DMGDH: variants seen among roughly 807,000 people sequenced by gnomAD.
DMGDH encodes dimethylglycine dehydrogenase, mitochondrial.
A neutral mutation model predicts 95.2 loss-of-function variants in DMGDH; 76 were observed. That is an observed-to-expected ratio of 0.80 (90% CI 0.66 to 0.97). DMGDH has a LOEUF of 0.97. Ranked by LOEUF, DMGDH falls within the 50% of genes least tolerant of loss-of-function variation. The pLI, the probability that DMGDH is intolerant of heterozygous loss-of-function variation, is 0.00. For synonymous variants in DMGDH, 345 were observed against 377.6 expected, an observed-to-expected ratio of 0.91 and a Z score of 1.00; for missense variants, 987 against 1,055.0, an observed-to-expected ratio of 0.94 and a Z score of 0.89.
intron 2 of DMGDH, among the ~76,000 whole-genome samples, chr5:79,056,141 A>G (rs1755026194): frequency 6.7e-6 from 1 of 149,884 alleles, no homozygotes; most frequent in African/African-American, 2.5e-5. Context: ...GCCAATAAAC[A>G]TACATGTTAA....
At chr5:79,021,510 C>T in intron 14 of DMGDH, 1 of 1,276,014 alleles carries the variant, frequency 7.8e-7, no homozygotes, top group Non-Finnish European at 1.0e-6. Flanking sequence ...GAAGCAAGGG[C>T]CACTGCGCCG....
intron 7 of DMGDH, among the ~76,000 whole-genome samples, chr5:79,039,224 C>G (rs958306117): frequency 1.9e-4 from 29 of 151,664 alleles, no homozygotes; most frequent in Non-Finnish European, 3.2e-4. Context: ...ACCCAAAGGA[C>G]TATAAATCAT....
intron 7 of DMGDH, among the ~76,000 whole-genome samples, chr5:79,033,802 C>T (rs924268806): frequency 5.9e-5 from 9 of 151,998 alleles, no homozygotes; most frequent in African/African-American, 1.9e-4. Flanking sequence ...CATGGTGGCA[C>T]GAGACTGTGG....
At chr5:79,068,252 T>C (rs562779502) in intron 1 of DMGDH, among the ~76,000 whole-genome samples, 1 of 152,026 alleles carries the variant, frequency 6.6e-6, no homozygotes, top group Non-Finnish European at 1.5e-5. Context: ...TTGAAATTTG[T>C]ATCTTATTTA....
At chr5:79,041,108 T>A (rs1754496505) in intron 7 of DMGDH, among the ~76,000 whole-genome samples, 2 of 152,248 alleles carry the variant, frequency 1.3e-5, no homozygotes, top group Admixed American at 1.3e-4. Flanking sequence ...CTCTTTCCCT[T>A]CAATATCTTA....
chr5:79,021,583 G>A (rs1399219180), intron 14 of DMGDH: 1 of 1,301,038 alleles, frequency 7.7e-7, no homozygotes, highest in African/African-American at 1.5e-5. Flanking sequence ...TTGCTGACAG[G>A]TTTTGACAAG....
intron 4 of DMGDH, among the ~76,000 whole-genome samples, chr5:79,053,319 C>G (rs1468256312): frequency 3.3e-5 from 5 of 152,006 alleles, no homozygotes; most frequent in Admixed American, 1.3e-4. Flanking sequence ...ACCCCACACT[C>G]AGTTAATTTT....
intron 15 of DMGDH, among the ~76,000 whole-genome samples, chr5:79,002,388 A>G (rs1410563401): frequency 6.6e-6 from 1 of 152,220 alleles, no homozygotes; most frequent in Non-Finnish European, 1.5e-5. Flanking sequence ...TTTCAAAAAA[A>G]TTAAACCTCA....
At chr5:79,036,317 C>T (rs529645463) in intron 7 of DMGDH, among the ~76,000 whole-genome samples, 14 of 152,208 alleles carry the variant, frequency 9.2e-5, no homozygotes, top group Non-Finnish European at 1.8e-4. Context: ...CTGTCTCTAG[C>T]ATTAATCTGC....
At position 79,054,226 on chromosome 5, in the gene DMGDH, A is replaced by G; in HGVS notation, c.498T>C (p.Pro166=). Residue 166 remains proline (P), a synonymous_variant, in exon 4 of 16, where the codon CCT becomes CCC. Transcript: ENST00000255189. The part of the protein sequence containing the change: ...WHATEQYLIE[P]EKIQEMFPLL... ...AAGGGAACATCTCTTGAATTTTTTC[A>G]GGTTCAATGAGATACTGTTCTGTTG... 6.2e-7 allele frequency: 1 copy of G among 1,614,126 alleles called. No individual in the cohort carries two copies. The highest frequency in any genetic ancestry group is 1.1e-5 in the South Asian group (1 of 91,080).
intron 14 of DMGDH, among the ~76,000 whole-genome samples, chr5:79,017,763 A>T (rs1051452985): frequency 1.6e-4 from 25 of 152,222 alleles, no homozygotes; most frequent in Admixed American, 6.5e-5. Flanking sequence ...GGATCCACTT[A>T]TATGTGCATT....
chr5:79,002,693 A>G (rs1002910589), intron 15 of DMGDH, among the ~76,000 whole-genome samples: 6 of 152,248 alleles, frequency 3.9e-5, no homozygotes, highest in African/African-American at 1.2e-4. Context: ...TGCTTGCAAG[A>G]ATAAAATACT....
intron 4 of DMGDH, among the ~76,000 whole-genome samples, chr5:79,052,158 T>C (rs1461941052): frequency 6.6e-6 from 1 of 152,222 alleles, no homozygotes; most frequent in African/African-American, 2.4e-5. Flanking sequence ...CTGGAATACA[T>C]TCTATTTGGT....
intron 7 of DMGDH, among the ~76,000 whole-genome samples, chr5:79,036,795 TG>T (rs1224199160): frequency 6.6e-6 from 1 of 152,170 alleles, no homozygotes; most frequent in Non-Finnish European, 1.5e-5. Context: ...TTTGCTTGTT[TG>T]TTGCAATTCA....
Position 79,051,428 on chromosome 5 carries a change from G to T in DMGDH, c.604C>A (p.Leu202Met), listed in dbSNP as rs1754856268. ...HIDPYSLTMA[L>M]AAGARKCGAL... ...CCACATTTCCTAGCCCCAGCAGCCA[G>T]TGCCATAGTTAGAGAATAAGGATCA... Residue 202 changes from leucine (L) to methionine (M), a missense_variant, in exon 5 of 16, where the codon CTG (leucine) becomes ATG (methionine). Physicochemically the swap from Leu to Met is conservative, Grantham distance 15. Transcript: ENST00000255189. 6.2e-7 allele frequency: 1 copy of T among 1,614,030 alleles called. No homozygotes were observed. Among genetic ancestry groups the T allele is most frequent in the South Asian group, 1.1e-5 (1 of 91,090 alleles).
At chr5:79,017,151 T>A (rs144346475) in intron 14 of DMGDH, among the ~76,000 whole-genome samples, 1 of 152,228 alleles carries the variant, frequency 6.6e-6, no homozygotes, top group African/African-American at 2.4e-5. Flanking sequence ...TTCCTAGATA[T>A]GAACCAAAAG....
In DMGDH at chr5:79,031,128, C is replaced by A. The variant is rs190904010; in HGVS notation, c.1518-130G>T. 3.4e-5 allele frequency: 30 copies of A among 882,304 alleles called. No homozygotes were observed. In the East Asian group the frequency reaches 7.4e-4, roughly 22 times the overall value. 54.7% of individuals were successfully genotyped at this position (882,304 alleles called of 1,614,324 possible). On this transcript the variant is annotated intron_variant, in intron 9 of 15. Transcript: ENST00000255189. ...CAGCGGGGAGTGGGACTATGGGAGGCGAGACCATGCAACCTGAAATTCTGT... is the reference window on the plus strand; with the variant it reads ...CAGCGGGGAGTGGGACTATGGGAGGAGAGACCATGCAACCTGAAATTCTGT...
intron 15 of DMGDH, chr5:79,000,411 C>T (rs1753434023): frequency 4.8e-6 from 3 of 631,130 alleles, no homozygotes; most frequent in Non-Finnish European, 6.2e-6. Context: ...TTTTCTTATT[C>T]TCATACAAGT....
chr5:79,021,309 C>T (rs748495594), intron 14 of DMGDH: 4 of 1,083,252 alleles, frequency 3.7e-6, no homozygotes, highest in Non-Finnish European at 4.5e-6. Context: ...TTATTTGTTT[C>T]CAGGTTCATG....
Sources: gnomAD v4.1 joint callset for allele counts (sites outside exome capture counted in the v4.1 genomes callset) on GRCh38, gnomAD v4.1.1 for gene constraint, MANE v1.5 for transcripts, NCBI Gene and HGNC (gene_info 2026-07-23, HGNC 2026-07-21) for gene names.